The following TXNDC5 variants were observed in gnomAD, a reference collection of about 807,000 sequenced individuals.
TXNDC5 encodes the protein thioredoxin domain-containing protein 5.
TXNDC5 carries 44 observed loss-of-function variants against 52.6 expected under a neutral mutation model. The ratio of observed to expected loss-of-function variants is 0.84; its 90% confidence interval spans 0.66 to 1.08. TXNDC5 has a LOEUF of 1.08. Among genes scored for constraint, TXNDC5 ranks in the 50% least tolerant of loss-of-function variants. TXNDC5 has a pLI of 0.00. For missense variants in TXNDC5, 600 were observed against 565.5 expected (o/e 1.06, Z -0.62); for synonymous variants, 241 against 234.4 (o/e 1.03, Z -0.26).
intron 3 of TXNDC5, among the ~76,000 whole-genome samples, chr6:7,897,483 C>T (rs1442383741): frequency 6.6e-6 from 1 of 152,162 alleles, no homozygotes; most frequent in Non-Finnish European, 1.5e-5. Flanking sequence ...AACTTTTCCA[C>T]AATAAGGCGC....
intron 1 of TXNDC5, among the ~76,000 whole-genome samples, chr6:7,906,460 C>T (rs112373691): frequency 2.2e-5 from 3 of 136,412 alleles, no homozygotes; most frequent in African/African-American, 5.4e-5. Flanking sequence ...CGCTTGAACC[C>T]GGGAGGCGGA....
chr6:7,884,086 G>A (rs374163401), intron 9 of TXNDC5, among the ~76,000 whole-genome samples: 7 of 152,224 alleles, frequency 4.6e-5, no homozygotes, highest in Admixed American at 1.3e-4. Context: ...AGTCTATGGC[G>A]TGGGGTCTGT....
At chr6:7,909,892 C>G in intron 1 of TXNDC5, 1 of 986,038 alleles carries the variant, frequency 1.0e-6, no homozygotes, top group Non-Finnish European at 1.2e-6. Context: ...CCGGTGGCCG[C>G]GGCAGCAGCA....
rs1330043343 is a variant in TXNDC5 at position 7,910,627 on chromosome 6, G to C, written c.150C>G (p.Pro50=). 1.5e-6 allele frequency: 2 copies of C among 1,340,846 alleles called. No homozygotes were observed. Among genetic ancestry groups the C allele is most frequent in the Non-Finnish European group, 1.9e-6 (2 of 1,026,880 alleles). The allele number at this position is 1,340,846 out of a possible 1,614,324, so 83.1% of individuals were successfully genotyped here. The stretch of plus-strand genomic sequence containing the variant: ...CCTGTCCGTCCTCGCCGTCTGCCGC[G>C]GGGGGCCCGTCCGCCGCCGCCGCCG... ...EAAAAAADGP[P]AADGEDGQDP... Residue 50 remains proline (P), a synonymous_variant, in exon 1 of 10, where the codon CCC becomes CCG. Transcript: ENST00000379757.
At chr6:7,898,454 C>T (rs567136902) in intron 3 of TXNDC5, among the ~76,000 whole-genome samples, 4 of 152,064 alleles carry the variant, frequency 2.6e-5, no homozygotes, top group African/African-American at 7.2e-5. Context: ...GCGGAAGAGC[C>T]GCACAGACAC....
At chr6:7,885,926 T>G (rs760515430) in intron 8 of TXNDC5, 35 bp downstream of exon 8, 27 of 1,605,298 alleles carry the variant, frequency 1.7e-5, no homozygotes, top group Non-Finnish European at 5.1e-6. Flanking sequence ...TTAGTACACA[T>G]GGACAAAGTA....
intron 4 of TXNDC5, among the ~76,000 whole-genome samples, chr6:7,892,460 A>G (rs912251143): frequency 2.6e-5 from 4 of 152,264 alleles, no homozygotes; most frequent in Admixed American, 2.6e-4. Context: ...ATATAAACAC[A>G]TACACATATA....
At chr6:7,908,980 CTGAT>C (rs1760821399) in intron 1 of TXNDC5, among the ~76,000 whole-genome samples, 1 of 152,158 alleles carries the variant, frequency 6.6e-6, no homozygotes, top group Non-Finnish European at 1.5e-5. Context: ...TTAATACTGC[CTGAT>C]TGTTTTATGT....
chr6:7,890,648 T>C lies in TXNDC5; in HGVS notation c.732+973A>G, dbSNP rs999687853. The stretch of plus-strand genomic sequence containing the variant: ...ATGTTCAATAAATATAAACTGATAA[T>C]AACATGTATAATTAGTATATATTAT... On this transcript the variant is annotated intron_variant, in intron 5 of 9. Transcript: ENST00000379757. 5.9e-5 allele frequency among the ~76,000 whole-genome samples: 9 copies of C among 152,314 alleles called. No homozygotes were observed. In the South Asian group the frequency reaches 1.7e-3, roughly 28 times the overall value.
chr6:7,908,281 CAAA>C (rs57783770), intron 1 of TXNDC5, among the ~76,000 whole-genome samples: 2,215 of 62,710 alleles, frequency 0.035, 23 homozygotes, highest in African/African-American at 0.082. Flanking sequence ...GACTCCATCT[CAAA>C]AAAAAAAAAA....
intron 7 of TXNDC5, among the ~76,000 whole-genome samples, chr6:7,886,806 CA>C (rs1478338402): frequency 3.9e-5 from 6 of 152,144 alleles, no homozygotes; most frequent in Non-Finnish European, 1.5e-5. Flanking sequence ...CTAAGTGTAC[CA>C]GGGCTGCTCC....
At position 7,883,128 on chromosome 6, in the gene TXNDC5, A is replaced by C; in HGVS notation, c.*16T>G. The C allele has an allele frequency of 6.2e-7, 1 of 1,613,964 alleles. No individual in the cohort carries two copies. The highest frequency in any genetic ancestry group is 8.5e-7 in the Non-Finnish European group (1 of 1,179,990). On this transcript the variant is annotated 3_prime_UTR_variant, in exon 10 of 10. Coordinates refer to ENST00000379757, the MANE Select transcript of TXNDC5 (RefSeq NM_030810.5). ...GTGCGGGAGCTGGGCAGGAGAGGTG[A>C]CCTCCAACTGTGTTCCTAAAGTTCG...
At chr6:7,910,274 C>A (rs1322195568) in intron 1 of TXNDC5, among the ~76,000 whole-genome samples, 2 of 146,352 alleles carry the variant, frequency 1.4e-5, no homozygotes, top group Non-Finnish European at 3.0e-5. Context: ...GGCGCCCGCG[C>A]CCCCCGCTCC....
In TXNDC5 at chr6:7,891,723, G is replaced by C; in HGVS notation, c.630C>G (p.Ile210Met). 6.2e-7 allele frequency: 1 copy of C among 1,613,596 alleles called. No individual in the cohort carries two copies. Among genetic ancestry groups the C allele is most frequent in the South Asian group, 1.1e-5 (1 of 91,038 alleles). ...ELHVAQGDHFIKFFAPWCGHC... is the reference protein window; with the variant it reads ...ELHVAQGDHFMKFFAPWCGHC... ...GACCACACCACGGAGCGAAGAACTTGATAAAGTGGTCGCCTGGAGTGGAGA... is the reference window on the plus strand; with the variant it reads ...GACCACACCACGGAGCGAAGAACTTCATAAAGTGGTCGCCTGGAGTGGAGA... Residue 210 changes from isoleucine (I) to methionine (M), a missense_variant, in exon 5 of 10, where the codon ATC becomes ATG. By Grantham distance (10) the Ile-to-Met change is conservative. Transcript: ENST00000379757.
In TXNDC5 at chr6:7,905,470, T is replaced by C. The variant is rs537936779; in HGVS notation, c.264-747A>G. ...TAGGGTTGAAGTAAGCAAATGTCTA[T>C]TCTTAGTATTCATTGTATGAATTCA... On this transcript the variant is annotated intron_variant, in intron 1 of 9. Transcript: ENST00000379757. Among the ~76,000 whole-genome samples, 52 of 152,354 alleles carry C rather than the reference T, an allele frequency of 3.4e-4. 1 individual carries two copies. The highest frequency in any genetic ancestry group is 4.4e-4 in the Non-Finnish European group (30 of 68,032).
At chr6:7,907,378 G>A (rs1010720910) in intron 1 of TXNDC5, among the ~76,000 whole-genome samples, 1 of 152,136 alleles carries the variant, frequency 6.6e-6, no homozygotes, top group African/African-American at 2.4e-5. Context: ...TCAGAAGGTA[G>A]CCTGTGGCCA....
intron 9 of TXNDC5, among the ~76,000 whole-genome samples, chr6:7,883,560 G>T (rs1315504185): frequency 2.0e-5 from 3 of 152,216 alleles, no homozygotes; most frequent in African/African-American, 7.2e-5. Flanking sequence ...ATCACCTGCG[G>T]ATCTGCTGAA....
At chr6:7,910,474 C>T (rs1304449178) in intron 1 of TXNDC5, 40 bp downstream of exon 1, 2 of 1,375,424 alleles carry the variant, frequency 1.5e-6, no homozygotes, top group African/African-American at 1.5e-5. Flanking sequence ...CCCCGCGAAG[C>T]GCCAAGTGCG....
chr6:7,883,895 A>G (rs1425641765), intron 9 of TXNDC5, among the ~76,000 whole-genome samples: 1 of 152,222 alleles, frequency 6.6e-6, no homozygotes, highest in Non-Finnish European at 1.5e-5. Context: ...TAACCCAAGC[A>G]CAGGACCGAC....
Sources: gnomAD v4.1 joint callset for allele counts (sites outside exome capture counted in the v4.1 genomes callset) on GRCh38, gnomAD v4.1.1 for gene constraint, MANE v1.5 for transcripts, NCBI Gene and HGNC (gene_info 2026-07-23, HGNC 2026-07-21) for gene names.